KLHL32: variants seen among roughly 807,000 people sequenced by gnomAD.
KLHL32 encodes kelch-like protein 32.
Under a neutral mutation model 64.8 loss-of-function variants are expected in KLHL32, and 35 were observed. The ratio of observed to expected loss-of-function variants is 0.54; its 90% confidence interval spans 0.41 to 0.72. The LOEUF is 0.72. KLHL32 is among the 30% of genes least tolerant of loss of function. KLHL32 has a pLI of 0.00. For missense variants in KLHL32, 589 were observed against 768.5 expected, an observed-to-expected ratio of 0.77 and a Z score of 2.76; for synonymous variants, 259 against 281.0, an observed-to-expected ratio of 0.92 and a Z score of 0.78.
At chr6:97,087,525 T>C (rs1315443093) in intron 6 of KLHL32, among the ~76,000 whole-genome samples, 1 of 152,234 alleles carries the variant, frequency 6.6e-6, no homozygotes, top group Non-Finnish European at 1.5e-5. Flanking sequence ...TCATTGACTT[T>C]GACAAATCCC....
intron 7 of KLHL32, among the ~76,000 whole-genome samples, chr6:97,115,800 A>C (rs1402740710): frequency 1.3e-5 from 2 of 152,218 alleles, no homozygotes; most frequent in African/African-American, 2.4e-5. Context: ...GTCATCAAGC[A>C]CTAAGAGGAA....
At chr6:97,105,778 C>T (rs557920731) in intron 6 of KLHL32, among the ~76,000 whole-genome samples, 38 of 151,740 alleles carry the variant, frequency 2.5e-4, no homozygotes, top group Non-Finnish European at 3.8e-4. Context: ...AAAAAAAATA[C>T]TTGTTACTTT....
rs561347146 is a variant in KLHL32 at position 96,939,011 on chromosome 6, G to A, written c.-66+13985G>A. 4.8e-4 allele frequency among the ~76,000 whole-genome samples: 73 copies of A among 152,310 alleles called. No individual in the cohort carries two copies. The Middle Eastern group carries it at 0.014, about 28-fold the overall frequency. On this transcript the variant is annotated intron_variant, in intron 1 of 10. Transcript: ENST00000369261. Reference sequence around the variant, plus strand: ...TACTGCTCTATGGATGTAGGGTAATGTGAATGTAGGCAGTCTTTTTTGACC... The same window carrying A: ...TACTGCTCTATGGATGTAGGGTAATATGAATGTAGGCAGTCTTTTTTGACC...
At chr6:97,053,868 GCATATA>G (rs1453451426) in intron 4 of KLHL32, among the ~76,000 whole-genome samples, 1 of 151,740 alleles carries the variant, frequency 6.6e-6, no homozygotes, top group African/African-American at 2.4e-5. Context: ...TGTAGTCTGT[GCATATA>G]CTACACATAC....
At position 97,072,171 on chromosome 6, in the gene KLHL32, A is replaced by G. The variant is rs534687887; in HGVS notation, c.411+7445A>G. On this transcript the variant is annotated intron_variant, in intron 5 of 10. Transcript: ENST00000369261. ...TCCCATCTCCTTGAGCCCCACATAC[A>G]CTGACACAGAGACCTTTCAGCCCCA... Among the ~76,000 whole-genome samples, 1,088 of 152,170 alleles carry G rather than the reference A, an allele frequency of 7.1e-3. 9 individuals are homozygous for G. Among genetic ancestry groups the G allele is most frequent in the Non-Finnish European group, 0.011 (720 of 67,994 alleles).
chr6:96,900,685 C>T, the KLHL32 span, among the ~76,000 whole-genome samples: 3 of 152,236 alleles, frequency 2.0e-5, no homozygotes, highest in Non-Finnish European at 4.4e-5. Context: ...CATAATTCAA[C>T]AGCATTCTGC....
intron 6 of KLHL32, among the ~76,000 whole-genome samples, chr6:97,110,695 C>T (rs1203597729): frequency 6.6e-6 from 1 of 152,136 alleles, no homozygotes; most frequent in Non-Finnish European, 1.5e-5. Context: ...ATCCTGATTC[C>T]ATGGTTCAAA....
intron 6 of KLHL32, among the ~76,000 whole-genome samples, chr6:97,101,724 G>A (rs1038953271): frequency 1.3e-5 from 2 of 152,200 alleles, no homozygotes; most frequent in Non-Finnish European, 1.5e-5. Flanking sequence ...GTGAAATATG[G>A]TTAATCATAA....
chr6:96,999,665 C>A, intron 3 of KLHL32: 1 of 279,582 alleles, frequency 3.6e-6, no homozygotes, highest in Non-Finnish European at 5.4e-6. Context: ...AAATGTTTTT[C>A]AAACTTTGAA....
chr6:97,078,123 C>G (rs1359582902), intron 5 of KLHL32, among the ~76,000 whole-genome samples: 1 of 152,086 alleles, frequency 6.6e-6, no homozygotes, highest in African/African-American at 2.4e-5. Context: ...TGTTAAAAAT[C>G]AAACCATACT....
intron 3 of KLHL32, among the ~76,000 whole-genome samples, chr6:97,009,100 T>C (rs1015720794): frequency 6.6e-6 from 1 of 151,684 alleles, no homozygotes; most frequent in African/African-American, 2.4e-5. Flanking sequence ...TGTCACTTAA[T>C]GGGGCTAATG....
upstream of KLHL32, among the ~76,000 whole-genome samples, chr6:96,921,386 C>A (rs76049071): frequency 2.0e-5 from 3 of 152,300 alleles, no homozygotes; most frequent in Admixed American, 2.0e-4. Context: ...GTTACACTGG[C>A]GCTGGCTCCT....
chr6:96,941,341 C>T (rs1272065848), intron 1 of KLHL32, among the ~76,000 whole-genome samples: 6 of 152,122 alleles, frequency 3.9e-5, no homozygotes, highest in Admixed American at 1.3e-4. Context: ...TAAGGCTTCT[C>T]TCTAGGAAGT....
chr6:96,903,948 C>T, the KLHL32 span, among the ~76,000 whole-genome samples: 2 of 152,194 alleles, frequency 1.3e-5, no homozygotes, highest in Admixed American at 1.3e-4. Flanking sequence ...TTCTGTCTGC[C>T]TTGAAAATTA....
chr6:97,107,616 A>G (rs766448800), intron 6 of KLHL32, among the ~76,000 whole-genome samples: 15 of 152,238 alleles, frequency 9.9e-5, no homozygotes, highest in Non-Finnish European at 1.5e-4. Flanking sequence ...AATCTCAAAT[A>G]GAAGTGGCCA....
intron 2 of KLHL32, 119 bp downstream of exon 2, chr6:96,967,202 T>A: frequency 1.2e-6 from 1 of 818,502 alleles, no homozygotes; most frequent in Non-Finnish European, 1.9e-6. Flanking sequence ...ATCATCAAAC[T>A]AGTCAGAGCT....
At chr6:97,082,592 C>T (rs1021743596) in intron 5 of KLHL32, among the ~76,000 whole-genome samples, 23 of 147,164 alleles carry the variant, frequency 1.6e-4, no homozygotes, top group Non-Finnish European at 2.1e-4. Context: ...CAGCCTTGGG[C>T]GACAGAGCAA....
At chr6:97,056,376 A>G (rs1315312973) in intron 4 of KLHL32, among the ~76,000 whole-genome samples, 1 of 152,006 alleles carries the variant, frequency 6.6e-6, no homozygotes, top group Middle Eastern at 3.2e-3. Flanking sequence ...AAGTGCTGGG[A>G]TTACAAACGT....
At chr6:97,018,835 A>G (rs1171005986) in intron 3 of KLHL32, among the ~76,000 whole-genome samples, 1 of 152,250 alleles carries the variant, frequency 6.6e-6, no homozygotes, top group African/African-American at 2.4e-5. Context: ...CCTTCAAAAT[A>G]TGTTAGGAAA....
Sources: gnomAD v4.1 joint callset for allele counts (sites outside exome capture counted in the v4.1 genomes callset) on GRCh38, gnomAD v4.1.1 for gene constraint, MANE v1.5 for transcripts, NCBI Gene and HGNC (gene_info 2026-07-23, HGNC 2026-07-21) for gene names.